PCIF1: variants seen among roughly 807,000 people sequenced by gnomAD.
The protein encoded by PCIF1 is mRNA (2'-O-methyladenosine-N(6)-)-methyltransferase.
In PCIF1, 12 loss-of-function variants were observed where a neutral mutation model predicts 86.9. The observed-to-expected ratio is 0.14, with a 90% CI of 0.09 to 0.22. The LOEUF is 0.22. Ranked by LOEUF, PCIF1 falls within the 10% of genes least tolerant of loss-of-function variation. PCIF1 has a pLI of 1.00. For synonymous variants in PCIF1, 397 were observed against 372.0 expected, an observed-to-expected ratio of 1.07 and a Z score of -0.77; for missense variants, 701 against 951.1, an observed-to-expected ratio of 0.74 and a Z score of 3.46.
At chr20:45,937,814 C>T (rs2145860895) in intron 2 of PCIF1, 1 of 377,442 alleles carries the variant, frequency 2.6e-6, no homozygotes, top group Non-Finnish European at 4.7e-6. Context: ...TGACTTTTCC[C>T]TTCCTAAATT....
chr20:45,934,872 G>A, intron 1 of PCIF1, 68 bp downstream of exon 1: 1 of 397,974 alleles, frequency 2.5e-6, no homozygotes. Flanking sequence ...GAAGCTGGGG[G>A]GCGGCGGCCC....
chr20:45,936,341 A>ATTTTTTT (rs746165752), intron 1 of PCIF1, among the ~76,000 whole-genome samples: 6 of 109,724 alleles, frequency 5.5e-5, no homozygotes, highest in East Asian at 2.5e-4. Context: ...CGCCGGGCTA[A>ATTTTTTT]TTTTTTTTTT....
chr20:45,947,002 G>A lies in PCIF1; in HGVS notation c.1614-71G>A. 1 of 1,334,900 alleles carries A rather than the reference G, an allele frequency of 7.5e-7. No homozygotes were observed. Among genetic ancestry groups the A allele is most frequent in the Non-Finnish European group, 1.1e-6 (1 of 950,218 alleles). The allele number at this position is 1,334,900 out of a possible 1,614,324, so 82.7% of individuals were successfully genotyped here. A position where few individuals can be genotyped will look rare whatever the true frequency, so the allele number is the denominator to read the frequency against. ...TCTTCAGTGTGGCTGCCTAGGGTTGGGGGGTGGCACCTGTTTCTGGTTGAG... is the reference window on the plus strand; with the variant it reads ...TCTTCAGTGTGGCTGCCTAGGGTTGAGGGGTGGCACCTGTTTCTGGTTGAG... On this transcript the variant is annotated intron_variant, in intron 14 of 16. Coordinates refer to ENST00000372409, the MANE Select transcript of PCIF1 (RefSeq NM_022104.4). This position sits in a 1 kb window ranked among gnomAD's most constrained non-coding sequence, Gnocchi z 5.4.
intron 4 of PCIF1, 82 bp from the exon 5 acceptor site, chr20:45,940,393 G>A: frequency 1.4e-6 from 2 of 1,457,866 alleles, no homozygotes; most frequent in Non-Finnish European, 1.8e-6. Flanking sequence ...AGGAGCAGGG[G>A]TGGGAGGGCG....
chr20:45,943,128 C>T lies in PCIF1; in HGVS notation c.705C>T (p.Arg235=). The T allele has an allele frequency of 1.9e-6, 3 of 1,614,048 alleles. No individual in the cohort carries two copies. Among genetic ancestry groups the T allele is most frequent in the Non-Finnish European group, 2.5e-6 (3 of 1,180,030 alleles). ...AGCCTCCACGGGAGTCTTTCAACCGCTGGATGCTGGAGCGCAAGGTGGTAG... is the reference window on the plus strand; with the variant it reads ...AGCCTCCACGGGAGTCTTTCAACCGTTGGATGCTGGAGCGCAAGGTGGTAG... ...GIEPPRESFN[R]WMLERKVVDK... Residue 235 remains arginine, a synonymous_variant, in exon 8 of 17, where the codon CGC becomes CGT. Transcript: ENST00000372409. This position sits in a 1 kb window ranked among gnomAD's most constrained non-coding sequence, Gnocchi z 5.5.
chr20:45,941,699 G>A (rs6065909), intron 7 of PCIF1, among the ~76,000 whole-genome samples: 1 of 151,942 alleles, frequency 6.6e-6, no homozygotes. Context: ...ACCTTGTGAT[G>A]CGCCCGCCTC....
intron 1 of PCIF1, 61 bp downstream of exon 1, chr20:45,934,865 G>T: frequency 2.5e-6 from 1 of 398,022 alleles, no homozygotes; most frequent in Non-Finnish European, 4.4e-6. Context: ...GGGATCCGAA[G>T]CTGGGGGGCG....
At position 45,943,461 on chromosome 20, in the gene PCIF1, G is replaced by A. The variant is rs2083494391; in HGVS notation, c.905+38G>A. ...TCTGCCCCAGGCGAGATGGGTCTGT[G>A]ATTAAAGTGGCAGGTCATAGGCCAT... On this transcript the variant is annotated intron_variant, in intron 9 of 16. Transcript: ENST00000372409. The surrounding 1 kb of genome is among the most constrained non-coding windows in gnomAD (Gnocchi z 5.5). 2 of 1,586,620 alleles carry A rather than the reference G, an allele frequency of 1.3e-6. No individual in the cohort carries two copies. Among genetic ancestry groups the A allele is most frequent in the East Asian group, 2.2e-5 (1 of 44,564 alleles).
In PCIF1 at chr20:45,947,095, C is replaced by T. The variant is rs780918580; in HGVS notation, c.1636C>T (p.Leu546=). ...CAGGCCCTGCCTAGACTTTGCTCCACTGAGTGGTTCATTTGAGGCCAACCC... is the reference window on the plus strand; with the variant it reads ...CAGGCCCTGCCTAGACTTTGCTCCATTGAGTGGTTCATTTGAGGCCAACCC... ...SRGPCLDFAP[L]SGSFEANPPF... The change falls in exon 15 of 17, where the codon CTG becomes TTG. Residue 546 remains leucine, a synonymous_variant. Coordinates refer to ENST00000372409, the MANE Select transcript of PCIF1 (RefSeq NM_022104.4). The surrounding 1 kb of genome is among the most constrained non-coding windows in gnomAD (Gnocchi z 5.4). 1.9e-6 allele frequency: 3 copies of T among 1,613,186 alleles called. No individual in the cohort carries two copies. Among genetic ancestry groups the T allele is most frequent in the Non-Finnish European group, 1.7e-6 (2 of 1,179,250 alleles).
In PCIF1 at chr20:45,940,912, A is replaced by G; in HGVS notation, c.491A>G (p.Gln164Arg). 1 of 1,614,158 alleles carries G rather than the reference A, an allele frequency of 6.2e-7. No individual in the cohort carries two copies. The highest frequency in any genetic ancestry group is 1.3e-5 in the African/African-American group (1 of 75,034). The change falls in exon 6 of 17, where the codon CAG (glutamine) becomes CGG (arginine). Residue 164 changes from glutamine (Q) to arginine (R), a missense_variant. Coordinates refer to ENST00000372409, the MANE Select transcript of PCIF1 (RefSeq NM_022104.4). ...KMWGTSPEDK[Q>R]QAALLRPTEV... ...TGGGGTACGTCCCCTGAAGATAAAC[A>G]GCAGGCAGCTCTCCTACGACCCACT...
Position 45,940,820 on chromosome 20 carries a change from A to G in PCIF1, c.399A>G (p.Pro133=), listed in dbSNP as rs745788503. Residue 133 remains proline (P), a synonymous_variant, in exon 6 of 17, where the codon CCA becomes CCG. Transcript: ENST00000372409. The part of the protein sequence containing the change: ...NGVKKPKIEI[P]VTPTGQSVPS... The stretch of plus-strand genomic sequence containing the variant: ...GACTTTCACTACAGATTGAAATCCC[A>G]GTGACACCCACAGGCCAGTCGGTGC... 6.2e-7 allele frequency: 1 copy of G among 1,613,618 alleles called. No homozygotes were observed. The highest frequency in any genetic ancestry group is 1.1e-5 in the South Asian group (1 of 91,022).
At position 45,943,824 on chromosome 20, in the gene PCIF1, G is replaced by A. The variant is rs1438665113; in HGVS notation, c.1005+59G>A. ...AGGGCTCTGTGGCCACTTCCTCCAG[G>A]AAGCCTACTCTGCCTGTCCAGGCTG... is the stretch of plus-strand genomic sequence containing the variant. On this transcript the variant is annotated intron_variant, in intron 10 of 16. Coordinates refer to ENST00000372409, the MANE Select transcript of PCIF1 (RefSeq NM_022104.4). This position sits in a 1 kb window ranked among gnomAD's most constrained non-coding sequence, Gnocchi z 5.5. The A allele has an allele frequency of 2.9e-5, 41 of 1,432,724 alleles. No individual in the cohort carries two copies. In the Admixed American group the frequency reaches 7.7e-4, roughly 27 times the overall value. 88.8% of individuals were successfully genotyped at this position (1,432,724 alleles called of 1,614,324 possible).
intron 2 of PCIF1, 42 bp downstream of exon 2, chr20:45,937,627 G>A: frequency 2.5e-6 from 1 of 398,706 alleles, no homozygotes; most frequent in Non-Finnish European, 4.4e-6. Context: ...AAACCTGTGT[G>A]CTCAGCCCCC....
Position 45,940,510 on chromosome 20 carries a change from C to G in PCIF1, c.285C>G (p.Pro95=). The G allele has an allele frequency of 6.2e-7, 1 of 1,608,028 alleles. No homozygotes were observed. The highest frequency in any genetic ancestry group is 8.5e-7 in the Non-Finnish European group (1 of 1,177,112). ...TGGGGCTGAATGCGACCCCACTGCC[C>G]CAAGACTCAAGCTTGGTGGAAACTC... is the stretch of plus-strand genomic sequence containing the variant. ...DPLGLNATPL[P]QDSSLVETPP... Residue 95 remains proline (P), a synonymous_variant, in exon 5 of 17, where the codon CCC becomes CCG. Coordinates refer to ENST00000372409, the MANE Select transcript of PCIF1 (RefSeq NM_022104.4).
chr20:45,940,697 G>A, intron 5 of PCIF1, 85 bp downstream of exon 5: 3 of 1,570,196 alleles, frequency 1.9e-6, no homozygotes, highest in Non-Finnish European at 2.6e-6. Flanking sequence ...CTGGGCATTG[G>A]CAGGCCAGCC....
chr20:45,939,163 G>A, intron 3 of PCIF1, 40 bp downstream of exon 3: 2 of 1,614,038 alleles, frequency 1.2e-6, no homozygotes, highest in Non-Finnish European at 1.7e-6. Context: ...GGGGTAGGAA[G>A]GGCACCCTGG....
In PCIF1 at chr20:45,946,567, TG is replaced by T. The variant is rs1055209800; in HGVS notation, c.1613+186del. 7.9e-5 allele frequency among the ~76,000 whole-genome samples: 12 copies of T among 151,978 alleles called. 1 individual carries two copies. The highest frequency in any genetic ancestry group is 6.6e-5 in the Admixed American group (1 of 15,218). ...GGGAGCCTGAGCTTTTCTGGTTCTGTGGGCAGGCACGTGACACCCCTAAGCT... is the reference window on the plus strand; with the variant it reads ...GGGAGCCTGAGCTTTTCTGGTTCTGTGGCAGGCACGTGACACCCCTAAGCT... On this transcript the variant is annotated intron_variant, in intron 14 of 16. Transcript: ENST00000372409.
At position 45,946,310 on chromosome 20, in the gene PCIF1, C is replaced by T; in HGVS notation, c.1539C>T (p.Ala513=). ...TTGGCGTCAGCTTCGAGTGCTTCGC[C>T]TCACCCCTCAACTGCTACTTCCGCC... The part of the protein sequence containing the change: ...RLFGVSFECF[A]SPLNCYFRQY... The change falls in exon 14 of 17, where the codon GCC becomes GCT. Residue 513 remains alanine, a synonymous_variant. Transcript: ENST00000372409. 2 of 1,614,164 alleles carry T rather than the reference C, an allele frequency of 1.2e-6. No individual in the cohort carries two copies. The highest frequency in any genetic ancestry group is 1.7e-6 in the Non-Finnish European group (2 of 1,180,044).
Position 45,943,705 on chromosome 20 carries a change from T to C in PCIF1, c.945T>C (p.Asn315=). The C allele has an allele frequency of 6.4e-7, 1 of 1,564,386 alleles. No individual in the cohort carries two copies. Among genetic ancestry groups the C allele is most frequent in the Non-Finnish European group, 8.7e-7 (1 of 1,153,634 alleles). ...ACAGTAGGAAGGTGGTCAAATGGAA[T>C]GTGGAAGACACCTTTAGCTGGCTTC... is the stretch of plus-strand genomic sequence containing the variant. ...SPDSRKVVKW[N]VEDTFSWLRK... The change falls in exon 10 of 17, where the codon AAT becomes AAC. Residue 315 remains asparagine (N), a synonymous_variant. Coordinates refer to ENST00000372409, the MANE Select transcript of PCIF1 (RefSeq NM_022104.4). This position sits in a 1 kb window ranked among gnomAD's most constrained non-coding sequence, Gnocchi z 5.5.
Sources: allele counts gnomAD v4.1 joint callset (sites outside exome capture counted in the v4.1 genomes callset), GRCh38; gene constraint gnomAD v4.1.1; non-coding constraint Gnocchi (gnomAD v3.1); transcripts MANE v1.5; gene names NCBI Gene and HGNC (gene_info 2026-07-23, HGNC 2026-07-21).